The following ERI3 variants were observed in gnomAD, a reference collection of about 807,000 sequenced individuals.
The protein encoded by ERI3 is ERI1 exoribonuclease family member 3, also known as ERI1 exoribonuclease 3.
ERI3 carries 18 observed loss-of-function variants against 44.4 expected under a neutral mutation model. The ratio of observed to expected loss-of-function variants is 0.41; its 90% confidence interval spans 0.28 to 0.60. The LOEUF (loss-of-function observed/expected upper bound fraction) is 0.60. Among genes scored for constraint, ERI3 ranks in the 20% least tolerant of loss-of-function variants. The pLI, the probability that ERI3 is intolerant of heterozygous loss-of-function variation, is 0.36. For synonymous variants in ERI3, 183 were observed against 164.8 expected (o/e 1.11, Z -0.84); for missense variants, 294 against 435.5 (o/e 0.68, Z 2.89).
chr1:44,283,562 G>C (rs753710869), intron 7 of ERI3, among the ~76,000 whole-genome samples: 62 of 152,210 alleles, frequency 4.1e-4, no homozygotes, highest in Non-Finnish European at 7.3e-4. Flanking sequence ...AGCCAGGGGA[G>C]TGCGTAGCTT....
At chr1:44,277,088 CA>C (rs1401065243) in intron 7 of ERI3, among the ~76,000 whole-genome samples, 4 of 152,330 alleles carry the variant, frequency 2.6e-5, no homozygotes, top group African/African-American at 9.6e-5. Context: ...TAGTGATCAG[CA>C]AATGACTCAT....
intron 3 of ERI3, among the ~76,000 whole-genome samples, chr1:44,323,659 A>G (rs183509438): frequency 1.3e-5 from 2 of 152,312 alleles, no homozygotes; most frequent in Non-Finnish European, 1.5e-5. Flanking sequence ...TATTCCATTT[A>G]TTGTTTACTA....
intron 6 of ERI3, among the ~76,000 whole-genome samples, chr1:44,293,312 C>T (rs1645546597): frequency 6.6e-6 from 1 of 152,352 alleles, no homozygotes; most frequent in East Asian, 1.9e-4. Flanking sequence ...CGGGTGACCT[C>T]GGCAAGCCTC....
rs941232460 is a variant in ERI3, at chr1:44,252,298, T to C, written c.832-4260A>G. On this transcript the variant is annotated intron_variant, in intron 7 of 8. Coordinates refer to ENST00000372257, the MANE Select transcript of ERI3 (RefSeq NM_024066.3). This position sits in a 1 kb window ranked among gnomAD's most constrained non-coding sequence, Gnocchi z 4.7. Reference sequence around the variant, plus strand: ...TCCCTTCCCCTGGGCTGCTGCAATTTCCATGCACAGGGAAGCAGGTGCCGA... The same window carrying C: ...TCCCTTCCCCTGGGCTGCTGCAATTCCCATGCACAGGGAAGCAGGTGCCGA... Among the ~76,000 whole-genome samples the C allele has an allele frequency of 3.3e-5, 5 of 152,210 alleles. No individual in the cohort carries two copies. The highest frequency in any genetic ancestry group is 2.6e-4 in the Admixed American group (4 of 15,288).
chr1:44,350,458 CG>C (rs1252857968), intron 2 of ERI3, among the ~76,000 whole-genome samples: 4 of 152,092 alleles, frequency 2.6e-5, no homozygotes, highest in African/African-American at 9.7e-5. Context: ...AACGGGGTTT[CG>C]CCATGTTGGC....
intron 2 of ERI3, among the ~76,000 whole-genome samples, chr1:44,351,162 T>G (rs1646882559): frequency 6.6e-6 from 1 of 152,114 alleles, no homozygotes; most frequent in East Asian, 1.9e-4. Flanking sequence ...GCCTCCCAAG[T>G]AGCTGGGATT....
rs1371990201 is a variant in ERI3 at position 44,235,150 on chromosome 1, G to GT, written c.931+12788dup. ...GGACTGCTCAGCTAATCCCCATTAA[G>GT]TTCAATATTGCCACCTTGCCTGACT... On this transcript the variant is annotated intron_variant, in intron 8 of 8. Transcript: ENST00000372257. This position sits in a 1 kb window ranked among gnomAD's most constrained non-coding sequence, Gnocchi z 4.6. Among the ~76,000 whole-genome samples, 1 of 152,118 alleles carries GT rather than the reference G, an allele frequency of 6.6e-6. No individual in the cohort carries two copies. Among genetic ancestry groups the GT allele is most frequent in the East Asian group, 1.9e-4 (1 of 5,190 alleles).
chr1:44,335,295 G>A (rs578115535), intron 3 of ERI3, among the ~76,000 whole-genome samples: 69 of 151,722 alleles, frequency 4.5e-4, no homozygotes, highest in African/African-American at 1.6e-3. Context: ...GGTTGAGGCT[G>A]CACTGAGCTG....
rs751118340 is a variant in ERI3 at position 44,339,300 on chromosome 1, T to G, written c.234A>C (p.Ser78=). The change falls in exon 3 of 9, where the codon TCA becomes TCC. Residue 78 remains serine, a synonymous_variant. Coordinates refer to ENST00000372257, the MANE Select transcript of ERI3 (RefSeq NM_024066.3). ...VRRVLDASGC[S]MLAPLQTGAA... is the part of the protein sequence containing the mutation. ...CTCCAGTCTGTAAAGGTGCTAGCAT[T>G]GAACATCCAGAAGCATCTAAAACTT... 6.4e-7 allele frequency: 1 copy of G among 1,570,176 alleles called. No homozygotes were observed. Among genetic ancestry groups the G allele is most frequent in the Non-Finnish European group, 8.6e-7 (1 of 1,158,184 alleles).
At chr1:44,340,168 A>T (rs1444380736) in intron 2 of ERI3, among the ~76,000 whole-genome samples, 1 of 136,528 alleles carries the variant, frequency 7.3e-6, no homozygotes, top group Non-Finnish European at 1.6e-5. Flanking sequence ...AAAAAAAAAA[A>T]TCAAATCACT....
intron 7 of ERI3, among the ~76,000 whole-genome samples, chr1:44,253,079 T>G (rs1450091877): frequency 6.6e-6 from 1 of 152,166 alleles, no homozygotes; most frequent in Non-Finnish European, 1.5e-5. Flanking sequence ...ATGGTGATAC[T>G]CCAGAGGATA....
chr1:44,277,604 A>T (rs1011152299), intron 7 of ERI3, among the ~76,000 whole-genome samples: 9 of 152,214 alleles, frequency 5.9e-5, no homozygotes, highest in Non-Finnish European at 1.2e-4. Context: ...TTCAGGGCTC[A>T]AATTTTAGTC....
At chr1:44,313,743 C>G (rs1281594989) in intron 4 of ERI3, among the ~76,000 whole-genome samples, 1 of 152,268 alleles carries the variant, frequency 6.6e-6, no homozygotes, top group South Asian at 2.1e-4. Context: ...CTCCCTAACA[C>G]CTTCCCTAAC....
At chr1:44,327,904 A>C (rs1280002437) in intron 3 of ERI3, among the ~76,000 whole-genome samples, 1 of 152,222 alleles carries the variant, frequency 6.6e-6, no homozygotes, top group Non-Finnish European at 1.5e-5. Flanking sequence ...GGGTGAAGAA[A>C]TGGCGGTGAG....
intron 1 of ERI3, chr1:44,354,377 G>C: frequency 2.0e-6 from 2 of 985,388 alleles, no homozygotes; most frequent in Non-Finnish European, 2.4e-6. Flanking sequence ...AGTCAACAAG[G>C]AGCAGTTATA....
intron 1 of ERI3, 99 bp downstream of exon 1, chr1:44,354,784 AGCACATGGG>A (rs1646963936): frequency 7.8e-7 from 1 of 1,277,958 alleles, no homozygotes; most frequent in Non-Finnish European, 1.0e-6. Context: ...ATCCAGGGTA[AGCACATGGG>A]CCAGCACCCC....
chr1:44,352,665 G>T (rs1291178), intron 2 of ERI3, among the ~76,000 whole-genome samples, 185 bp downstream of exon 2: 86,584 of 151,958 alleles, frequency 0.57, 26,481 homozygotes, highest in East Asian at 0.74. Context: ...CTTTAAGTAA[G>T]TTTCTACAGA....
At chr1:44,323,568 T>C (rs549079374) in intron 3 of ERI3, among the ~76,000 whole-genome samples, 64 of 152,318 alleles carry the variant, frequency 4.2e-4, no homozygotes, top group Non-Finnish European at 7.8e-4. Flanking sequence ...CTCCTCTCTC[T>C]GAGATGCTCA....
chr1:44,328,075 G>A (rs1049567583), intron 3 of ERI3, among the ~76,000 whole-genome samples: 3 of 152,202 alleles, frequency 2.0e-5, no homozygotes, highest in Non-Finnish European at 2.9e-5. Context: ...ACAGAATACT[G>A]CATGCCTGTG....
Sources: allele counts gnomAD v4.1 joint callset (sites outside exome capture counted in the v4.1 genomes callset), GRCh38; gene constraint gnomAD v4.1.1; non-coding constraint Gnocchi (gnomAD v3.1); transcripts MANE v1.5; gene names NCBI Gene and HGNC (gene_info 2026-07-23, HGNC 2026-07-21).